Variants in SVOP observed in about 807,000 individuals in gnomAD.
SVOP encodes SV2 related protein.
SVOP carries 17 observed loss-of-function variants against 69.1 expected under a neutral mutation model. The observed-to-expected ratio is 0.25, with a 90% CI of 0.17 to 0.37. SVOP has a LOEUF of 0.37. Ranked by LOEUF, SVOP falls within the 10% of genes least tolerant of loss-of-function variation. The pLI is 1.00. For missense variants in SVOP, 435 were observed against 597.5 expected, an observed-to-expected ratio of 0.73 and a Z score of 2.84; for synonymous variants, 238 against 238.6, an observed-to-expected ratio of 1.00 and a Z score of 0.02.
Position 109,005,740 on chromosome 12 carries a change from A to G in SVOP, c.35+15094T>C, listed in dbSNP as rs188677463. On this transcript the variant is annotated intron_variant, in intron 1 of 15. Coordinates refer to ENST00000610966, the MANE Select transcript of SVOP (RefSeq NM_018711.5). ...AAGAAAAAAAGTGAGTGATCAGAAA[A>G]GACCTCCCCAAGGAGAGATCAAGGG... Among the ~76,000 whole-genome samples the G allele has an allele frequency of 4.1e-4, 63 of 152,268 alleles. 1 individual carries two copies. The East Asian group carries it at 0.012, about 29-fold the overall frequency.
chr12:108,954,245 A>G (rs1425298940), intron 6 of SVOP, among the ~76,000 whole-genome samples: 1 of 152,006 alleles, frequency 6.6e-6, no homozygotes, highest in Non-Finnish European at 1.5e-5. Context: ...CTTAGTTTCT[A>G]CAAAGCTCCA....
chr12:108,983,537 G>T, intron 2 of SVOP, 64 bp downstream of exon 2: 1 of 398,554 alleles, frequency 2.5e-6, no homozygotes. Context: ...CTCTGAAATT[G>T]CCTGCTGGGT....
chr12:108,986,126 T>TGA, intron 1 of SVOP, among the ~76,000 whole-genome samples: 1 of 152,152 alleles, frequency 6.6e-6, no homozygotes, highest in South Asian at 2.1e-4. Flanking sequence ...TCTACCACAG[T>TGA]CACCTCTAAT....
intron 1 of SVOP, among the ~76,000 whole-genome samples, chr12:108,984,663 A>G (rs2040157825): frequency 6.6e-6 from 1 of 152,158 alleles, no homozygotes; most frequent in African/African-American, 2.4e-5. Flanking sequence ...CCTTCAAACT[A>G]TGCTGTTTCT....
intron 6 of SVOP, 61 bp from the exon 7 acceptor site, chr12:108,945,227 C>A: frequency 1.3e-6 from 2 of 1,497,732 alleles, no homozygotes; most frequent in Non-Finnish European, 1.8e-6. Flanking sequence ...AAAATGGCTA[C>A]CGTTTTCTGA....
intron 5 of SVOP, among the ~76,000 whole-genome samples, chr12:108,971,746 G>C (rs2040080193): frequency 6.6e-6 from 1 of 152,104 alleles, no homozygotes; most frequent in African/African-American, 2.4e-5. Context: ...CTGGAGCTCA[G>C]TCCTGCTGGG....
intron 9 of SVOP, 87 bp downstream of exon 9, chr12:108,938,740 C>T (rs2137404702): frequency 3.2e-6 from 5 of 1,585,490 alleles, no homozygotes; most frequent in Non-Finnish European, 4.3e-6. Flanking sequence ...CATGTGTCCT[C>T]GCATGCATGC....
chr12:108,982,905 T>A (rs1425945204), intron 2 of SVOP, among the ~76,000 whole-genome samples: 3 of 125,732 alleles, frequency 2.4e-5, no homozygotes, highest in African/African-American at 1.0e-4. Flanking sequence ...ATCATTGCCA[T>A]CCTTATCATC....
At chr12:109,005,065 T>C (rs760185493) in intron 1 of SVOP, among the ~76,000 whole-genome samples, 1 of 152,168 alleles carries the variant, frequency 6.6e-6, no homozygotes, top group Non-Finnish European at 1.5e-5. Flanking sequence ...AAGTTTTCTC[T>C]CTTTTCATCT....
intron 11 of SVOP, chr12:108,926,472 T>C (rs375751456): frequency 2.0e-5 from 3 of 152,314 alleles, no homozygotes; most frequent in African/African-American, 7.2e-5. Flanking sequence ...CATGGAATCC[T>C]TGTGCAGAGT....
intron 1 of SVOP, among the ~76,000 whole-genome samples, chr12:109,012,280 C>T (rs1185846899): frequency 6.8e-6 from 1 of 146,674 alleles, no homozygotes; most frequent in South Asian, 2.2e-4. Flanking sequence ...GAGACTGTCT[C>T]AGAAAAAAAA....
At chr12:108,934,345 A>G in intron 10 of SVOP, 74 bp from the exon 11 acceptor site, 1 of 1,303,812 alleles carries the variant, frequency 7.7e-7, no homozygotes, top group Non-Finnish European at 1.1e-6. Flanking sequence ...CCCCTTGGGA[A>G]GGGCCAATGT....
At chr12:108,915,235 A>G (rs955410911) in intron 15 of SVOP, among the ~76,000 whole-genome samples, 1 of 151,688 alleles carries the variant, frequency 6.6e-6, no homozygotes, top group African/African-American at 2.4e-5. Flanking sequence ...GGTTTGTTAC[A>G]CAGATATATT....
intron 5 of SVOP, among the ~76,000 whole-genome samples, chr12:108,963,005 A>G (rs1016647089): frequency 6.6e-6 from 1 of 152,168 alleles, no homozygotes; most frequent in African/African-American, 2.4e-5. Context: ...AACATGGCAC[A>G]TATTCCTGGA....
intron 1 of SVOP, among the ~76,000 whole-genome samples, chr12:109,010,569 A>C (rs143152065): frequency 6.6e-6 from 1 of 152,186 alleles, no homozygotes; most frequent in Non-Finnish European, 1.5e-5. Flanking sequence ...GCTGGAGTGC[A>C]GTGGTGCAAT....
chr12:108,931,809 G>A (rs997741441), intron 11 of SVOP, among the ~76,000 whole-genome samples: 2 of 149,394 alleles, frequency 1.3e-5, no homozygotes, highest in Non-Finnish European at 3.0e-5. Flanking sequence ...ACTCCAGCCT[G>A]GCGACTGAGC....
chr12:108,912,394 C>T lies in SVOP; in HGVS notation c.*141G>A. On this transcript the variant is annotated 3_prime_UTR_variant, in exon 16 of 16. Coordinates refer to ENST00000610966, the MANE Select transcript of SVOP (RefSeq NM_018711.5). Reference sequence around the variant, plus strand: ...CTCAATGAAGATGAGCAAACTGAGTCAAGACACAAAACCCTGTTGGTCCAG... The same window carrying T: ...CTCAATGAAGATGAGCAAACTGAGTTAAGACACAAAACCCTGTTGGTCCAG... The T allele has an allele frequency of 6.6e-7, 1 of 1,514,038 alleles. No homozygotes were observed. 93.8% of individuals were successfully genotyped at this position (1,514,038 alleles called of 1,614,324 possible).
At chr12:109,012,821 G>A (rs1471036653) in intron 1 of SVOP, among the ~76,000 whole-genome samples, 1 of 152,116 alleles carries the variant, frequency 6.6e-6, no homozygotes, top group Non-Finnish European at 1.5e-5. Flanking sequence ...CTCAGCTACT[G>A]GGGAGGTTGA....
intron 11 of SVOP, among the ~76,000 whole-genome samples, chr12:108,924,745 G>T (rs2039770048): frequency 6.6e-6 from 1 of 152,160 alleles, no homozygotes; most frequent in Non-Finnish European, 1.5e-5. Context: ...ACCCAAGAAG[G>T]TTAGAGCCAC....
Sources: allele counts gnomAD v4.1 joint callset (sites outside exome capture counted in the v4.1 genomes callset), GRCh38; gene constraint gnomAD v4.1.1; transcripts MANE v1.5; gene names NCBI Gene and HGNC (gene_info 2026-07-23, HGNC 2026-07-21).